Variants in PIGX observed in about 807,000 individuals in gnomAD.
The protein encoded by PIGX is GPI alpha-1,4-mannosyltransferase I, stabilizing subunit.
Under a neutral mutation model 28.7 loss-of-function variants are expected in PIGX, and 24 were observed. The ratio of observed to expected loss-of-function variants is 0.84; its 90% CI spans 0.60 to 1.17. The LOEUF (loss-of-function observed/expected upper bound fraction) is 1.17, where lower values mean the gene tolerates loss of function less well. Among genes scored for constraint, PIGX ranks in the 50% most tolerant of loss-of-function variants. The pLI is 0.00. For synonymous variants in PIGX, 127 were observed against 121.0 expected (o/e 1.05, Z -0.33); for missense variants, 305 against 317.8 (o/e 0.96, Z 0.31).
Position 196,713,836 on chromosome 3 carries a change from CAAAA to C in PIGX, c.112+1206_112+1209del, listed in dbSNP as rs200901752. Among the ~76,000 whole-genome samples the C allele has an allele frequency of 7.8e-4, 82 of 105,718 alleles. 1 individual carries two copies. The highest frequency in any genetic ancestry group is 5.0e-3 in the South Asian group (17 of 3,402). The allele number at this position is 105,718 out of a possible 152,430, so 69.4% of individuals were successfully genotyped here. ...TGGGTGACAGAGGGAGACTCTGTCT[CAAAA>C]AAAAAAAAAAAAAGGAAAAAGAAGT... On this transcript the variant is annotated intron_variant, in intron 1 of 5. Coordinates refer to ENST00000392391, the MANE Select transcript of PIGX (RefSeq NM_017861.4).
chr3:196,712,854 G>C, intron 1 of PIGX: 1 of 1,090,598 alleles, frequency 9.2e-7, no homozygotes, highest in Non-Finnish European at 1.1e-6. Context: ...AGTCGGGCTC[G>C]GGCCCTGCGG....
chr3:196,712,696 C>T (rs1368472213), intron 1 of PIGX, 52 bp downstream of exon 1: 22 of 1,161,910 alleles, frequency 1.9e-5, no homozygotes, highest in Non-Finnish European at 2.1e-5. Context: ...TCCCGGCTCC[C>T]GGGCCTCTCG....
intron 5 of PIGX, among the ~76,000 whole-genome samples, chr3:196,732,276 T>A (rs576666989): frequency 0.067 from 5,054 of 74,890 alleles, 347 homozygotes; most frequent in Non-Finnish European, 0.098. Flanking sequence ...ATTTTATTTT[T>A]TTTTTTATTT....
At chr3:196,720,293 G>C (rs757141955) in intron 2 of PIGX, among the ~76,000 whole-genome samples, 2 of 152,182 alleles carry the variant, frequency 1.3e-5, no homozygotes, top group Non-Finnish European at 2.9e-5. Context: ...CCTCATATAA[G>C]TGGAATCATA....
Position 196,731,044 on chromosome 3 carries a change from T to C in PIGX, c.585T>C (p.Ala195=). The change falls in exon 5 of 6, where the codon GCT becomes GCC. Residue 195 remains alanine (A), a synonymous_variant. Transcript: ENST00000392391. ...ACTCAGAAGTGGCAGCCCCTTGTGC[T>C]TTGGAGAATGAGGATATCTGCCAAT... is the stretch of plus-strand genomic sequence containing the variant. 6.2e-7 allele frequency: 1 copy of C among 1,611,818 alleles called. No homozygotes were observed.
chr3:196,731,189 T>A, intron 5 of PIGX, 97 bp downstream of exon 5: 2 of 641,310 alleles, frequency 3.1e-6, no homozygotes, highest in Non-Finnish European at 5.2e-6. Context: ...GCATTTTTTT[T>A]TTTTTTTAGG....
Position 196,716,941 on chromosome 3 carries a change from C to T in PIGX, c.176+20C>T, listed in dbSNP as rs913781322. On this transcript the variant is annotated intron_variant, in intron 2 of 5. Coordinates refer to ENST00000392391, the MANE Select transcript of PIGX (RefSeq NM_017861.4). ...CCACAGGTAAGTTGCCTGTTGATTT[C>T]TATTTCTATTAAAATAATGTGTCAT... The T allele has an allele frequency of 3.6e-6, 5 of 1,402,144 alleles. No individual in the cohort carries two copies. Among genetic ancestry groups the T allele is most frequent in the Non-Finnish European group, 5.0e-6 (5 of 992,286 alleles). 86.9% of individuals were successfully genotyped at this position (1,402,144 alleles called of 1,614,324 possible).
intron 1 of PIGX, among the ~76,000 whole-genome samples, chr3:196,716,577 G>A (rs1213668489): frequency 6.6e-6 from 1 of 152,152 alleles, no homozygotes; most frequent in Non-Finnish European, 1.5e-5. Context: ...CTAGTAGAGA[G>A]ATAAACTATC....
Position 196,722,399 on chromosome 3 carries a change from T to C in PIGX, c.177-16T>C. On this transcript the variant is annotated splice_polypyrimidine_tract_variant and intron_variant, in intron 2 of 5. Coordinates refer to ENST00000392391, the MANE Select transcript of PIGX (RefSeq NM_017861.4). Reference sequence around the variant, plus strand: ...GTTGAATGAAGAGATTTACTTTCAATGTACTTGTCTTACAGAGACCTTTTA... The same window carrying C: ...GTTGAATGAAGAGATTTACTTTCAACGTACTTGTCTTACAGAGACCTTTTA... The C allele has an allele frequency of 6.3e-7, 1 of 1,586,256 alleles. No homozygotes were observed. Among genetic ancestry groups the C allele is most frequent in the South Asian group, 1.1e-5 (1 of 89,650 alleles).
intron 3 of PIGX, chr3:196,726,674 G>A (rs1360826957): frequency 1.5e-5 from 7 of 456,370 alleles, no homozygotes; most frequent in Non-Finnish European, 2.2e-5. Flanking sequence ...TCATGGCGGC[G>A]GCTATGGTTG....
rs1711860352 is a variant in PIGX at position 196,712,525 on chromosome 3, C to T, written c.-8C>T. The T allele has an allele frequency of 1.7e-6, 2 of 1,160,044 alleles. No individual in the cohort carries two copies. Among genetic ancestry groups the T allele is most frequent in the South Asian group, 4.2e-5 (1 of 23,688 alleles). 71.9% of individuals were successfully genotyped at this position (1,160,044 alleles called of 1,614,324 possible). On this transcript the variant is annotated 5_prime_UTR_variant, in exon 1 of 6. Transcript: ENST00000392391. The stretch of plus-strand genomic sequence containing the variant: ...CGCGCCCCTCTCGGGCGTCCGGCTT[C>T]CGGCGTCCTGGCGGCTCGGGTGGCG...
chr3:196,716,054 C>T lies in PIGX; in HGVS notation c.113-804C>T, dbSNP rs143495838. ...TAGAGACAAGGTCTCTCTCTGTCACCCAGGCTTGAGTGCAGTGGTATAATC... is the reference window on the plus strand; with the variant it reads ...TAGAGACAAGGTCTCTCTCTGTCACTCAGGCTTGAGTGCAGTGGTATAATC... On this transcript the variant is annotated intron_variant, in intron 1 of 5. Transcript: ENST00000392391. Among the ~76,000 whole-genome samples, 301 of 152,200 alleles carry T rather than the reference C, an allele frequency of 2.0e-3. 2 individuals carry two copies. The highest frequency in any genetic ancestry group is 6.9e-3 in the African/African-American group (287 of 41,514).
At position 196,712,607 on chromosome 3, in the gene PIGX, G is replaced by A; in HGVS notation, c.75G>A (p.Gly25=). The stretch of plus-strand genomic sequence containing the variant: ...GGGCGGCGACCGGGCTCACGCGCGG[G>A]CCCGCCGCGGCCTTCACCGCCGCGC... Residue 25 remains glycine (G), a synonymous_variant, in exon 1 of 6, where the codon GGG becomes GGA. Transcript: ENST00000392391. 8.4e-7 allele frequency: 1 copy of A among 1,190,698 alleles called. No individual in the cohort carries two copies. The highest frequency in any genetic ancestry group is 1.0e-6 in the Non-Finnish European group (1 of 961,460). The allele number at this position is 1,190,698 out of a possible 1,614,324, so 73.8% of individuals were successfully genotyped here. A position where few individuals can be genotyped will look rare whatever the true frequency, so the allele number is the denominator to read the frequency against.
Position 196,732,257 on chromosome 3 carries a change from T to TATATA in PIGX, c.633+1165_633+1166insATATA, listed in dbSNP as rs1326451678. Among the ~76,000 whole-genome samples the TATATA allele has an allele frequency of 6.0e-3, 215 of 35,724 alleles. 1 individual carries two copies. Among genetic ancestry groups the TATATA allele is most frequent in the Admixed American group, 7.3e-3 (20 of 2,744 alleles). 23.4% of individuals were successfully genotyped at this position (35,724 alleles called of 152,430 possible). A position where few individuals can be genotyped will look rare whatever the true frequency, so the allele number is the denominator to read the frequency against. On this transcript the variant is annotated intron_variant, in intron 5 of 5. Transcript: ENST00000392391. ...ATATATATATATATATATATATATA[T>TATATA]TTTATTTTATTTTATTTTTTTTTTT...
In PIGX at chr3:196,735,525, A is replaced by G. The variant is rs2108694713; in HGVS notation, c.*1623A>G. On this transcript the variant is annotated 3_prime_UTR_variant, in exon 6 of 6. Transcript: ENST00000392391. ...GACATGTATGACCTGACTAGTCCTA[A>G]CAGTTCTTTTTAAACGTGTATTTGA... 1 of 152,176 alleles carries G rather than the reference A, an allele frequency of 6.6e-6. No individual in the cohort carries two copies. Among genetic ancestry groups the G allele is most frequent in the South Asian group, 2.1e-4 (1 of 4,822 alleles). 9.4% of individuals were successfully genotyped at this position (152,176 alleles called of 1,614,324 possible).
At position 196,722,487 on chromosome 3, in the gene PIGX, G is replaced by A; in HGVS notation, c.249G>A (p.Gln83=). 1 of 1,612,908 alleles carries A rather than the reference G, an allele frequency of 6.2e-7. No individual in the cohort carries two copies. The highest frequency in any genetic ancestry group is 8.5e-7 in the Non-Finnish European group (1 of 1,178,908). The change falls in exon 3 of 6, where the codon CAG becomes CAA. Residue 83 remains glutamine (Q), a synonymous_variant. Transcript: ENST00000392391. ...ACACCTGCCGTCTCTTAATTAAACA[G>A]GACATTCCTGCAGGACTTTATGTGG...
At chr3:196,718,668 C>T (rs1712195048) in intron 2 of PIGX, among the ~76,000 whole-genome samples, 2 of 152,168 alleles carry the variant, frequency 1.3e-5, no homozygotes, top group Admixed American at 1.3e-4. Context: ...AGGCTACTGG[C>T]CCATGACTCT....
At chr3:196,726,746 G>A (rs544990440) in intron 3 of PIGX, 37 of 453,440 alleles carry the variant, frequency 8.2e-5, no homozygotes, top group Non-Finnish European at 1.4e-4. Flanking sequence ...GACATTGTAA[G>A]CAAGAACAAC....
At chr3:196,732,820 T>G (rs1577682949) in intron 5 of PIGX, among the ~76,000 whole-genome samples, 1 of 152,220 alleles carries the variant, frequency 6.6e-6, no homozygotes. Context: ...TTAAAACTTA[T>G]TTTTAAAGTA....
Sources: allele counts gnomAD v4.1 joint callset (sites outside exome capture counted in the v4.1 genomes callset), GRCh38; gene constraint gnomAD v4.1.1; transcripts MANE v1.5; gene names NCBI Gene and HGNC (gene_info 2026-07-23, HGNC 2026-07-21).